Variants in IRS1 observed in about 807,000 individuals in gnomAD.
The protein encoded by IRS1 is insulin receptor substrate 1.
A neutral mutation model predicts 65.6 loss-of-function variants in IRS1; 34 were observed. That is an observed-to-expected ratio of 0.52 (90% confidence interval 0.39 to 0.69). The LOEUF is 0.69. IRS1 is among the 30% of genes least tolerant of loss of function. The pLI is 0.00. For missense variants in IRS1, 1,641 were observed against 1,720.2 expected, an observed-to-expected ratio of 0.95 and a Z score of 0.81; for synonymous variants, 699 against 683.5, an observed-to-expected ratio of 1.02 and a Z score of -0.35.
chr2:226,791,732 C>T (rs2106182488), intron 1 of IRS1, among the ~76,000 whole-genome samples: 1 of 151,980 alleles, frequency 6.6e-6, no homozygotes, highest in East Asian at 1.9e-4. Context: ...GTGGTGGGGG[C>T]CAATCAGCGC....
chr2:226,795,350 C>A lies in IRS1; in HGVS notation c.3389G>T (p.Gly1130Val). ...GAGAAVGGGG[G>V]SSSSSEDVKR... is the part of the protein sequence containing the mutation. The stretch of plus-strand genomic sequence containing the variant: ...CACATCCTCGCTGCTGCTGCTGCTA[C>A]CGCCACCGCCCCCTACTGCTGCCCC... Residue 1130 changes from glycine (G) to valine (V), a missense_variant, in exon 1 of 2, where the codon GGT (glycine) becomes GTT (valine). This residue lies in a region of IRS1 where 1,324 missense variants were observed against 1,361.0 expected (regional missense o/e 0.97). Transcript: ENST00000305123. 1 of 1,613,172 alleles carries A rather than the reference C, an allele frequency of 6.2e-7. No individual in the cohort carries two copies. Among genetic ancestry groups the A allele is most frequent in the Non-Finnish European group, 8.5e-7 (1 of 1,179,970 alleles).
intron 1 of IRS1, among the ~76,000 whole-genome samples, chr2:226,751,335 G>C (rs922695564): frequency 1.4e-5 from 2 of 141,324 alleles, no homozygotes; most frequent in African/African-American, 2.7e-5. Context: ...CCAGGCTGGA[G>C]TGCAGTGGCG....
At chr2:226,740,136 T>C (rs1400760141) in intron 1 of IRS1, among the ~76,000 whole-genome samples, 1 of 152,216 alleles carries the variant, frequency 6.6e-6, no homozygotes, top group Non-Finnish European at 1.5e-5. Flanking sequence ...TATCAAGTGG[T>C]GATATTCCTA....
At chr2:226,778,689 TG>T (rs1939323593) in intron 1 of IRS1, among the ~76,000 whole-genome samples, 1 of 152,230 alleles carries the variant, frequency 6.6e-6, no homozygotes, top group Non-Finnish European at 1.5e-5. Context: ...ATGACATCCC[TG>T]TTCCCTCCAA....
chr2:226,786,530 T>G (rs1939489135), intron 1 of IRS1, among the ~76,000 whole-genome samples: 1 of 151,744 alleles, frequency 6.6e-6, no homozygotes. Flanking sequence ...GCTTCAAAAT[T>G]TATAAGCAGT....
chr2:226,749,302 C>A (rs563767084), intron 1 of IRS1, among the ~76,000 whole-genome samples: 1 of 152,158 alleles, frequency 6.6e-6, no homozygotes, highest in Non-Finnish European at 1.5e-5. Context: ...CCTTGGAAAG[C>A]CTTACCCTTT....
chr2:226,763,003 C>A (rs983532847), intron 1 of IRS1, among the ~76,000 whole-genome samples: 5 of 152,146 alleles, frequency 3.3e-5, no homozygotes, highest in Admixed American at 6.5e-5. Flanking sequence ...GAAGAGAAAA[C>A]TCATTTGGGA....
intron 1 of IRS1, among the ~76,000 whole-genome samples, chr2:226,750,962 C>T (rs1239896927): frequency 1.3e-5 from 2 of 151,892 alleles, no homozygotes; most frequent in South Asian, 2.1e-4. Flanking sequence ...GAGTAAAGAA[C>T]CAAAAAGGAA....
chr2:226,768,074 C>T (rs1939091230), intron 1 of IRS1, among the ~76,000 whole-genome samples: 1 of 152,156 alleles, frequency 6.6e-6, no homozygotes, highest in South Asian at 2.1e-4. Context: ...TAGGATCGTT[C>T]CCAGCATAGG....
intron 1 of IRS1, among the ~76,000 whole-genome samples, chr2:226,749,816 C>T (rs957290323): frequency 6.6e-6 from 1 of 152,194 alleles, no homozygotes; most frequent in Admixed American, 6.5e-5. Context: ...GCCCTATTCT[C>T]ATTTCTACAG....
rs180837368 is a variant in IRS1, at chr2:226,741,559, C to T, written c.*22-5309G>A. ...AGATTCTGACAATGATGCCTGTAAC[C>T]TCTCTCTATTCTGTCTTCCCACGTC... On this transcript the variant is annotated intron_variant, in intron 1 of 1. Transcript: ENST00000305123. Among the ~76,000 whole-genome samples, 74 of 152,128 alleles carry T rather than the reference C, an allele frequency of 4.9e-4. No homozygotes were observed. The East Asian group carries it at 0.014, about 29-fold the overall frequency.
In IRS1 at chr2:226,799,661, C is replaced by CCCTCCTCCT; in HGVS notation, c.-932_-924dup. 2.0e-6 allele frequency: 2 copies of CCCTCCTCCT among 999,980 alleles called. No individual in the cohort carries two copies. The allele number at this position is 999,980 out of a possible 1,614,324, so 61.9% of individuals were successfully genotyped here. A position where few individuals can be genotyped will look rare whatever the true frequency, so the allele number is the denominator to read the frequency against. On this transcript the variant is annotated 5_prime_UTR_variant, in exon 1 of 2. Coordinates refer to ENST00000305123, the MANE Select transcript of IRS1 (RefSeq NM_005544.3). This position sits in a 1 kb window ranked among gnomAD's most constrained non-coding sequence, Gnocchi z 6.1. ...CCGCTGCAGTTACTTCTCCCCTCCT[C>CCCTCCTCCT]CCTCCTCCTCCTCCTCCTCGGAGAG...
rs748769427 is a variant in IRS1 at position 226,795,593 on chromosome 2, C to T, written c.3146G>A (p.Gly1049Glu). The T allele has an allele frequency of 1.2e-6, 2 of 1,612,628 alleles. No individual in the cohort carries two copies. The highest frequency in any genetic ancestry group is 1.1e-5 in the South Asian group (1 of 91,070). Residue 1049 changes from glycine to glutamate, a missense_variant, in exon 1 of 2, where the codon GGG becomes GAG. Physicochemically the swap from Gly to Glu is moderately conservative, Grantham distance 98. Transcript: ENST00000305123. Reference sequence around the variant, plus strand: ...CGAGTGGGCAGCCAGCTCTGCTGCCCCTTGAGGCCCAGTCGGGGAAGCAGA... The same window carrying T: ...CGAGTGGGCAGCCAGCTCTGCTGCCTCTTGAGGCCCAGTCGGGGAAGCAGA... ...AASASPTGPQ[G>E]AAELAAHSSL...
intron 1 of IRS1, among the ~76,000 whole-genome samples, chr2:226,775,214 C>A (rs976819744): frequency 6.6e-6 from 1 of 152,060 alleles, no homozygotes; most frequent in Non-Finnish European, 1.5e-5. Context: ...AGGTGCTGAC[C>A]GAAGTAACTC....
At chr2:226,766,163 A>ATATATTTTT (rs58592685) in intron 1 of IRS1, among the ~76,000 whole-genome samples, 1 of 4,598 alleles carries the variant, frequency 2.2e-4, no homozygotes, top group Non-Finnish European at 4.8e-4. Flanking sequence ...ATATATATAT[A>ATATATTTTT]TTTTTTTTTT....
At chr2:226,767,711 C>T (rs1008463943) in intron 1 of IRS1, among the ~76,000 whole-genome samples, 1 of 152,110 alleles carries the variant, frequency 6.6e-6, no homozygotes, top group Admixed American at 6.5e-5. Context: ...AAAAAAGAAA[C>T]CTTTTGGAGC....
At chr2:226,772,636 A>G (rs563662592) in intron 1 of IRS1, among the ~76,000 whole-genome samples, 5 of 151,924 alleles carry the variant, frequency 3.3e-5, no homozygotes, top group Admixed American at 3.3e-4. Flanking sequence ...GACAGGAAAA[A>G]TGATGCTGGT....
chr2:226,790,987 A>C (rs543201747), intron 1 of IRS1, among the ~76,000 whole-genome samples: 1 of 152,156 alleles, frequency 6.6e-6, no homozygotes, highest in Non-Finnish European at 1.5e-5. Context: ...TTTAAGGAAC[A>C]CACTACCCAA....
chr2:226,782,705 A>G (rs536914939), intron 1 of IRS1, among the ~76,000 whole-genome samples: 27 of 152,308 alleles, frequency 1.8e-4, no homozygotes, highest in African/African-American at 6.5e-4. Flanking sequence ...GGACTGTTAC[A>G]AAGTGTAATC....
Sources: gnomAD v4.1 joint callset for allele counts (sites outside exome capture counted in the v4.1 genomes callset) on GRCh38, gnomAD v4.1.1 for gene constraint, gnomAD v4.1.1 regional missense constraint, Gnocchi (gnomAD v3.1) non-coding constraint, MANE v1.5 for transcripts, NCBI Gene and HGNC (gene_info 2026-07-23, HGNC 2026-07-21) for gene names.